EBF1: variants seen among roughly 807,000 people sequenced by gnomAD.
EBF1 encodes the protein transcription factor COE1.
In EBF1, 10 loss-of-function variants were observed where a neutral mutation model predicts 68.4. The observed-to-expected ratio is 0.15, with a 90% CI of 0.09 to 0.25. The LOEUF is 0.25. Ranked by LOEUF, EBF1 falls within the 10% of genes least tolerant of loss-of-function variation. The probability of loss-of-function intolerance (pLI) is 1.00; values close to 1 mark genes in which losing one functional copy is unlikely to be tolerated. For synonymous variants in EBF1, 298 were observed against 299.8 expected, an observed-to-expected ratio of 0.99 and a Z score of 0.06; for missense variants, 509 against 794.4, an observed-to-expected ratio of 0.64 and a Z score of 4.32.
intron 7 of EBF1, among the ~76,000 whole-genome samples, chr5:158,829,416 C>T (rs766090592): frequency 2.0e-5 from 3 of 151,278 alleles, no homozygotes; most frequent in Non-Finnish European, 4.4e-5. Flanking sequence ...AACTCCTGGG[C>T]TCATGTGATC....
chr5:158,849,162 T>A (rs12653427), intron 6 of EBF1, among the ~76,000 whole-genome samples: 1 of 152,228 alleles, frequency 6.6e-6, no homozygotes, highest in Non-Finnish European at 1.5e-5. Context: ...AGTATTCAAG[T>A]AATTGCCAAG....
chr5:158,726,890 G>A (rs1763102157), intron 11 of EBF1, among the ~76,000 whole-genome samples: 1 of 152,216 alleles, frequency 6.6e-6, no homozygotes, highest in African/African-American at 2.4e-5. Flanking sequence ...GATCTCTGGG[G>A]ACTCTAACTT....
chr5:159,073,863 A>G (rs1222548648), intron 5 of EBF1: 2 of 162,416 alleles, frequency 1.2e-5, no homozygotes, highest in Non-Finnish European at 2.7e-5. Context: ...TGTGGAACGC[A>G]TCAATAATGA....
chr5:158,767,106 T>C (rs1440314479), intron 10 of EBF1, among the ~76,000 whole-genome samples: 2 of 152,186 alleles, frequency 1.3e-5, no homozygotes, highest in Non-Finnish European at 2.9e-5. Flanking sequence ...ATGTGATAAA[T>C]AGTTCATGTC....
chr5:159,038,278 T>A (rs1385000397), intron 6 of EBF1, among the ~76,000 whole-genome samples: 1 of 151,932 alleles, frequency 6.6e-6, no homozygotes, highest in African/African-American at 2.4e-5. Context: ...TGGAGGGAAA[T>A]GAGGGGGGAA....
intron 6 of EBF1, among the ~76,000 whole-genome samples, chr5:159,000,998 T>C (rs1281886629): frequency 2.0e-5 from 3 of 152,146 alleles, no homozygotes; most frequent in Non-Finnish European, 4.4e-5. Context: ...ATTAAAATAC[T>C]CCTCTTTTTT....
intron 10 of EBF1, among the ~76,000 whole-genome samples, chr5:158,764,723 A>G (rs968922545): frequency 1.6e-4 from 25 of 152,196 alleles, no homozygotes; most frequent in African/African-American, 6.0e-4. Context: ...CCCCAGTCTA[A>G]CTAGTGAATT....
chr5:159,096,665 G>A (rs1290909151), intron 2 of EBF1: 18 of 604,262 alleles, frequency 3.0e-5, no homozygotes, highest in Admixed American at 9.0e-5. Context: ...CTCGTGCCCC[G>A]GCCACCAGAG....
At chr5:158,801,028 T>C (rs903250809) in intron 8 of EBF1, among the ~76,000 whole-genome samples, 1 of 152,090 alleles carries the variant, frequency 6.6e-6, no homozygotes, top group Non-Finnish European at 1.5e-5. Context: ...TAAATCTCAT[T>C]AAAAATAAAA....
At chr5:158,840,658 T>TG (rs1790085768) in intron 6 of EBF1, among the ~76,000 whole-genome samples, 23 of 102,500 alleles carry the variant, frequency 2.2e-4, no homozygotes, top group Non-Finnish European at 3.0e-4. Flanking sequence ...TTTTTTTTTT[T>TG]TTTTTTTTTT....
chr5:159,025,614 A>T (rs1423539272), intron 6 of EBF1, among the ~76,000 whole-genome samples: 1 of 152,080 alleles, frequency 6.6e-6, no homozygotes, highest in African/African-American at 2.4e-5. Flanking sequence ...TGCAACATTC[A>T]CTCTGAGAAC....
At chr5:158,709,768 G>C (rs1359923857) in intron 14 of EBF1, among the ~76,000 whole-genome samples, 1 of 152,180 alleles carries the variant, frequency 6.6e-6, no homozygotes, top group Non-Finnish European at 1.5e-5. Flanking sequence ...CTTAGGATTT[G>C]TAACTGTGAA....
intron 8 of EBF1, among the ~76,000 whole-genome samples, chr5:158,797,480 C>T (rs1207039927): frequency 6.6e-6 from 1 of 152,070 alleles, no homozygotes; most frequent in African/African-American, 2.4e-5. Flanking sequence ...AAAATGGGAC[C>T]CTCATCTTTA....
chr5:159,042,897 T>C (rs1223875789), intron 6 of EBF1, among the ~76,000 whole-genome samples: 1 of 151,786 alleles, frequency 6.6e-6, no homozygotes, highest in Non-Finnish European at 1.5e-5. Context: ...TAGGATGTCA[T>C]GACAGGGAGC....
At chr5:159,064,348 G>T (rs1339188281) in intron 6 of EBF1, among the ~76,000 whole-genome samples, 3 of 152,154 alleles carry the variant, frequency 2.0e-5, no homozygotes, top group Non-Finnish European at 4.4e-5. Flanking sequence ...AGTGTTTTTA[G>T]CTGAGCAATT....
At chr5:158,868,203 A>T in intron 6 of EBF1, among the ~76,000 whole-genome samples, 1 of 152,164 alleles carries the variant, frequency 6.6e-6, no homozygotes, top group East Asian at 1.9e-4. Flanking sequence ...TAGGATTTAA[A>T]TGTCTAGACA....
intron 7 of EBF1, 47 bp from the exon 8 acceptor site, chr5:158,823,364 T>G: frequency 6.4e-7 from 1 of 1,560,274 alleles, no homozygotes; most frequent in South Asian, 1.2e-5. Context: ...TATAAAAGCG[T>G]GGTGGGTAAT....
In EBF1 at chr5:158,696,934, T is replaced by G. The variant is rs1189989497; in HGVS notation, c.*2177A>C. ...TTCTTTTTTTCTTTTTCTTTTTTCTTAGAATGTTAGTGATGACTGACAGTT... is the reference window on the plus strand; with the variant it reads ...TTCTTTTTTTCTTTTTCTTTTTTCTGAGAATGTTAGTGATGACTGACAGTT... On this transcript the variant is annotated 3_prime_UTR_variant, in exon 16 of 16. Coordinates refer to ENST00000313708, the MANE Select transcript of EBF1 (RefSeq NM_024007.5). 4 of 195,270 alleles carry G rather than the reference T, an allele frequency of 2.0e-5. No homozygotes were observed. Among genetic ancestry groups the G allele is most frequent in the Non-Finnish European group, 4.3e-5 (4 of 94,024 alleles). 12.1% of individuals were successfully genotyped at this position (195,270 alleles called of 1,614,324 possible).
rs1017037176 is a variant in EBF1, at chr5:158,698,391, G to A, written c.*720C>T. Reference sequence around the variant, plus strand: ...ATCTGTCTAGAGGCACTGGATTTTCGAGTAGAGGGAAAAATGTGATCACTT... The same window carrying A: ...ATCTGTCTAGAGGCACTGGATTTTCAAGTAGAGGGAAAAATGTGATCACTT... On this transcript the variant is annotated 3_prime_UTR_variant, in exon 16 of 16. Transcript: ENST00000313708. The A allele has an allele frequency of 1.7e-4, 37 of 224,020 alleles. No homozygotes were observed. Among genetic ancestry groups the A allele is most frequent in the Non-Finnish European group, 2.4e-4 (27 of 112,086 alleles). 13.9% of individuals were successfully genotyped at this position (224,020 alleles called of 1,614,324 possible).
Sources: gnomAD v4.1 joint callset for allele counts (sites outside exome capture counted in the v4.1 genomes callset) on GRCh38, gnomAD v4.1.1 for gene constraint, MANE v1.5 for transcripts, NCBI Gene and HGNC (gene_info 2026-07-23, HGNC 2026-07-21) for gene names.